Variants in FBXO10 observed in about 807,000 individuals in gnomAD.
FBXO10 encodes the protein F-box only protein 10.
FBXO10 carries 39 observed loss-of-function variants against 80.7 expected under a neutral mutation model. The ratio of observed to expected loss-of-function variants is 0.48; its 90% CI spans 0.37 to 0.63. FBXO10 has a LOEUF of 0.63. FBXO10 is among the 30% of genes least tolerant of loss of function. The pLI, the probability that FBXO10 is intolerant of heterozygous loss-of-function variation, is 0.00. For missense variants in FBXO10, 1,025 were observed against 1,269.0 expected (o/e 0.81, Z 2.92); for synonymous variants, 449 against 489.6 (o/e 0.92, Z 1.09).
Position 37,523,883 on chromosome 9 carries a change from C to A in FBXO10, c.1778-906G>T, listed in dbSNP as rs1284828500. ...AGTGAGCCGAGATCGCGCCATTGCA[C>A]TCCAGCCTGGGCAACAAGAGTGAGT... On this transcript the variant is annotated intron_variant, in intron 6 of 10. Coordinates refer to ENST00000432825, the MANE Select transcript of FBXO10 (RefSeq NM_012166.3). Among the ~76,000 whole-genome samples, 5 of 152,232 alleles carry A rather than the reference C, an allele frequency of 3.3e-5. 1 individual carries two copies. Among genetic ancestry groups the A allele is most frequent in the Non-Finnish European group, 7.3e-5 (5 of 68,036 alleles).
At chr9:37,551,463 G>A (rs768937200) in intron 1 of FBXO10, among the ~76,000 whole-genome samples, 2 of 152,238 alleles carry the variant, frequency 1.3e-5, no homozygotes, top group African/African-American at 4.8e-5. Flanking sequence ...CACAGCTCTT[G>A]TACTCTGCAA....
At chr9:37,567,693 C>T (rs932176543) in intron 1 of FBXO10, among the ~76,000 whole-genome samples, 1 of 152,090 alleles carries the variant, frequency 6.6e-6, no homozygotes, top group African/African-American at 2.4e-5. Context: ...CCATGCCTGG[C>T]TAATTTTTGC....
intron 2 of FBXO10, 65 bp from the exon 3 acceptor site, chr9:37,538,008 C>G (rs1821820188): frequency 7.8e-7 from 1 of 1,274,594 alleles, no homozygotes; most frequent in East Asian, 2.3e-5. Flanking sequence ...TCTAGCTGCC[C>G]TTTAAGGAGG....
chr9:37,529,587 T>C (rs547960229), intron 4 of FBXO10, among the ~76,000 whole-genome samples: 61 of 152,266 alleles, frequency 4.0e-4, no homozygotes, highest in African/African-American at 1.5e-3. Context: ...ACATAATCAT[T>C]TGGCCAGGCC....
In FBXO10 at chr9:37,526,482, T is replaced by C. The variant is rs79218672; in HGVS notation, c.1707-1310A>G. 2.5e-3 allele frequency among the ~76,000 whole-genome samples: 386 copies of C among 152,338 alleles called. 2 individuals are homozygous for C. The highest frequency in any genetic ancestry group is 8.7e-3 in the African/African-American group (361 of 41,582). On this transcript the variant is annotated intron_variant, in intron 5 of 10. Transcript: ENST00000432825. ...ATATTCCTCACCCAAAACTCTTTCA[T>C]GGTTCCCCAGCATCCCCAAGGTAAA...
intron 3 of FBXO10, among the ~76,000 whole-genome samples, chr9:37,535,406 T>C (rs1821733749): frequency 6.6e-6 from 1 of 152,044 alleles, no homozygotes; most frequent in Admixed American, 6.6e-5. Context: ...TGGAATGCAG[T>C]GGCGCAATCT....
rs1453747971 is a variant in FBXO10, at chr9:37,516,090, G to A, written c.2515-5C>T. ...GTGGATCCGGTTCTTTATTACCTGG[G>A]AGAGGCAGCCAGAGATTGTCACACC... is the stretch of plus-strand genomic sequence containing the variant. On this transcript the variant is annotated splice_polypyrimidine_tract_variant and splice_region_variant and intron_variant, in intron 9 of 10. Coordinates refer to ENST00000432825, the MANE Select transcript of FBXO10 (RefSeq NM_012166.3). 6.2e-7 allele frequency: 1 copy of A among 1,608,818 alleles called. No individual in the cohort carries two copies. The highest frequency in any genetic ancestry group is 1.1e-5 in the South Asian group (1 of 90,608).
chr9:37,565,799 G>A (rs767695339), intron 1 of FBXO10, among the ~76,000 whole-genome samples: 2 of 152,212 alleles, frequency 1.3e-5, no homozygotes, highest in Admixed American at 6.5e-5. Flanking sequence ...CTTCATGGAG[G>A]AGCTGGTATC....
At chr9:37,522,426 T>G in intron 7 of FBXO10, 1 of 1,033,414 alleles carries the variant, frequency 9.7e-7, no homozygotes, top group Non-Finnish European at 1.2e-6. Flanking sequence ...CCAAAGTCAC[T>G]GCGTGAGTGA....
At chr9:37,523,096 G>A (rs1821382802) in intron 6 of FBXO10, 119 bp from the exon 7 acceptor site, 1 of 1,104,134 alleles carries the variant, frequency 9.1e-7, no homozygotes, top group African/African-American at 1.6e-5. Context: ...GCCTTACCCT[G>A]CCAGCAATTA....
Position 37,522,945 on chromosome 9 carries a change from C to T in FBXO10, c.1810G>A (p.Val604Met), listed in dbSNP as rs1821379455. The stretch of plus-strand genomic sequence containing the variant: ...GGGATCCCTCCACGGCGGATGTCCA[C>T]ACCTCCCCACTGATTCTCACGGATG... ...NVIRENQWGG[V>M]DIRRGGIPVL... The change falls in exon 7 of 11, where the codon GTG becomes ATG. Residue 604 changes from valine to methionine, a missense_variant. Coordinates refer to ENST00000432825, the MANE Select transcript of FBXO10 (RefSeq NM_012166.3). 4 of 1,593,340 alleles carry T rather than the reference C, an allele frequency of 2.5e-6. No individual in the cohort carries two copies. The highest frequency in any genetic ancestry group is 1.2e-5 in the South Asian group (1 of 86,874).
At chr9:37,516,138 G>C in intron 9 of FBXO10, 53 bp from the exon 10 acceptor site, 2 of 1,559,768 alleles carry the variant, frequency 1.3e-6, no homozygotes, top group Non-Finnish European at 1.7e-6. Flanking sequence ...AGACTGAGTG[G>C]GAGAGCTGGG....
chr9:37,560,721 C>T (rs1453395326), intron 1 of FBXO10, among the ~76,000 whole-genome samples: 2 of 152,004 alleles, frequency 1.3e-5, no homozygotes, highest in Non-Finnish European at 2.9e-5. Flanking sequence ...TAACAAATGT[C>T]CCCAGAGCCT....
At position 37,522,605 on chromosome 9, in the gene FBXO10, C is replaced by G. The variant is rs559306543; in HGVS notation, c.1930+220G>C. 59 of 1,307,646 alleles carry G rather than the reference C, an allele frequency of 4.5e-5. No individual in the cohort carries two copies. In the South Asian group the frequency reaches 9.0e-4, roughly 20 times the overall value. 81.0% of individuals were successfully genotyped at this position (1,307,646 alleles called of 1,614,324 possible). On this transcript the variant is annotated intron_variant, in intron 7 of 10. Coordinates refer to ENST00000432825, the MANE Select transcript of FBXO10 (RefSeq NM_012166.3). The stretch of plus-strand genomic sequence containing the variant: ...TTTGCTATTTTAAAAGGGGATAAAG[C>G]CTTCTGCTTTGCTAACCCCACGGGG...
chr9:37,527,357 T>C (rs1265511350), intron 5 of FBXO10, among the ~76,000 whole-genome samples: 4 of 152,344 alleles, frequency 2.6e-5, no homozygotes, highest in Admixed American at 6.5e-5. Flanking sequence ...GCCATTATTC[T>C]GCCTATCATG....
At chr9:37,529,005 T>A in intron 5 of FBXO10, 119 bp downstream of exon 5, 1 of 1,324,578 alleles carries the variant, frequency 7.5e-7, no homozygotes, top group Non-Finnish European at 1.0e-6. Context: ...GGTGGGATGA[T>A]GAGTGAAGTC....
At chr9:37,519,507 G>T (rs113213872) in intron 8 of FBXO10, among the ~76,000 whole-genome samples, 31 of 152,034 alleles carry the variant, frequency 2.0e-4, no homozygotes, top group African/African-American at 7.3e-4. Context: ...GCTGGGGGAG[G>T]TTGTGTGCAG....
At chr9:37,534,465 A>T (rs976348855) in intron 3 of FBXO10, among the ~76,000 whole-genome samples, 5 of 152,244 alleles carry the variant, frequency 3.3e-5, no homozygotes, top group Non-Finnish European at 5.9e-5. Flanking sequence ...CGTCTCAAAA[A>T]AAGAAAGACA....
intron 1 of FBXO10, among the ~76,000 whole-genome samples, chr9:37,574,295 A>G (rs1459188549): frequency 6.6e-6 from 1 of 152,226 alleles, no homozygotes; most frequent in East Asian, 1.9e-4. Context: ...GAGGGAGGGA[A>G]GGAAGGGATA....
Sources: allele counts gnomAD v4.1 joint callset (sites outside exome capture counted in the v4.1 genomes callset), GRCh38; gene constraint gnomAD v4.1.1; transcripts MANE v1.5; gene names NCBI Gene and HGNC (gene_info 2026-07-23, HGNC 2026-07-21).